The following MTMR3 variants were observed in gnomAD, a reference collection of about 807,000 sequenced individuals.
The protein encoded by MTMR3 is phosphatidylinositol-3,5-bisphosphate 3-phosphatase MTMR3.
A neutral mutation model predicts 132.4 loss-of-function variants in MTMR3; 32 were observed. The ratio of observed to expected loss-of-function variants is 0.24; its 90% confidence interval spans 0.18 to 0.32. The LOEUF is 0.32. Among genes scored for constraint, MTMR3 ranks in the 10% least tolerant of loss-of-function variants. The pLI, the probability that MTMR3 is intolerant of heterozygous loss-of-function variation, is 1.00. For synonymous variants in MTMR3, 556 were observed against 550.3 expected, an observed-to-expected ratio of 1.01 and a Z score of -0.14; for missense variants, 1,216 against 1,489.6, an observed-to-expected ratio of 0.82 and a Z score of 3.02.
rs1022693072 is a variant in MTMR3 at position 30,027,806 on chromosome 22, T to C, written c.*2005T>C. 2.0e-5 allele frequency: 3 copies of C among 152,486 alleles called. No homozygotes were observed. The highest frequency in any genetic ancestry group is 4.4e-5 in the Non-Finnish European group (3 of 68,048). 9.4% of individuals were successfully genotyped at this position (152,486 alleles called of 1,614,324 possible). A position where few individuals can be genotyped will look rare whatever the true frequency, so the allele number is the denominator to read the frequency against. ...TTGTCAAAGCAAGAAGTAAATACTT[T>C]AGAATTGTTAAATATATAAATAAAG... On this transcript the variant is annotated 3_prime_UTR_variant, in exon 20 of 20. Coordinates refer to ENST00000401950, the MANE Select transcript of MTMR3 (RefSeq NM_021090.4).
At chr22:30,016,907 G>A in intron 15 of MTMR3, 1 of 592,522 alleles carries the variant, frequency 1.7e-6, no homozygotes. Context: ...ACTTGCTGAG[G>A]GTGGTTTGGT....
rs2066010377 is a variant in MTMR3 at position 29,949,126 on chromosome 22, CACACACACACACACA to C, written c.-137-7909_-137-7895del. On this transcript the variant is annotated intron_variant, in intron 1 of 19. Transcript: ENST00000401950. ...ACACACACACACACACACACACACA[CACACACACACACACA>C]CACCCCCCCCCCCCCCCCCGAGGCC... Among the ~76,000 whole-genome samples, 34 of 40,128 alleles carry C rather than the reference CACACACACACACACA, an allele frequency of 8.5e-4. 1 individual carries two copies. The highest frequency in any genetic ancestry group is 3.4e-3 in the African/African-American group (29 of 8,422). 26.3% of individuals were successfully genotyped at this position (40,128 alleles called of 152,430 possible).
intron 1 of MTMR3, among the ~76,000 whole-genome samples, chr22:29,945,319 A>C (rs1937372426): frequency 6.6e-6 from 1 of 152,184 alleles, no homozygotes; most frequent in Non-Finnish European, 1.5e-5. Context: ...AATGTAAATA[A>C]TTATAATGAC....
chr22:29,979,250 T>A (rs1328503597), intron 5 of MTMR3, 198 bp downstream of exon 5: 1 of 403,308 alleles, frequency 2.5e-6, no homozygotes, highest in Non-Finnish European at 4.6e-6. Context: ...CCCAGCACTT[T>A]GGGAGGCCAA....
At chr22:29,952,924 G>T (rs777812614) in intron 1 of MTMR3, among the ~76,000 whole-genome samples, 5 of 152,076 alleles carry the variant, frequency 3.3e-5, no homozygotes, top group Non-Finnish European at 7.4e-5. Context: ...ATAGACATAA[G>T]AAAGGAAACA....
chr22:29,947,545 T>G (rs180743873), intron 1 of MTMR3, among the ~76,000 whole-genome samples: 2 of 151,956 alleles, frequency 1.3e-5, no homozygotes, highest in Admixed American at 6.6e-5. Flanking sequence ...TTTTCTGAGT[T>G]AAGTAAAATG....
chr22:29,889,407 C>T (rs953975695), intron 1 of MTMR3, among the ~76,000 whole-genome samples: 3 of 151,500 alleles, frequency 2.0e-5, no homozygotes, highest in Admixed American at 6.6e-5. Flanking sequence ...CTGCCTTAGC[C>T]TCCTGAGTAG....
chr22:29,980,520 A>G (rs972171707), intron 5 of MTMR3: 1 of 152,254 alleles, frequency 6.6e-6, no homozygotes, highest in Non-Finnish European at 1.5e-5. Context: ...GCAACTGAGA[A>G]TTCCCCACCA....
intron 1 of MTMR3, among the ~76,000 whole-genome samples, chr22:29,925,540 C>T (rs1434257341): frequency 2.7e-5 from 4 of 148,444 alleles, no homozygotes; most frequent in Non-Finnish European, 5.9e-5. Context: ...TAATACCTAC[C>T]TTTTTATTTG....
intron 9 of MTMR3, 106 bp from the exon 10 acceptor site, chr22:30,007,008 C>A: frequency 8.4e-7 from 1 of 1,195,102 alleles, no homozygotes; most frequent in Non-Finnish European, 1.2e-6. Context: ...GCTGACCCAA[C>A]ACTTACCTAG....
chr22:29,914,389 T>C (rs2065270998), intron 1 of MTMR3, among the ~76,000 whole-genome samples: 3 of 152,248 alleles, frequency 2.0e-5, no homozygotes, highest in Admixed American at 2.0e-4. Flanking sequence ...ATTTGCCATT[T>C]ATATGTCTTT....
chr22:29,910,922 T>C (rs988599871), intron 1 of MTMR3, among the ~76,000 whole-genome samples: 5 of 152,198 alleles, frequency 3.3e-5, no homozygotes, highest in East Asian at 1.9e-4. Flanking sequence ...TTAACTTTTA[T>C]GTTTAGTAGG....
At chr22:29,944,099 G>A (rs905079983) in intron 1 of MTMR3, among the ~76,000 whole-genome samples, 1 of 152,016 alleles carries the variant, frequency 6.6e-6, no homozygotes, top group African/African-American at 2.4e-5. Context: ...GATTACAGGT[G>A]TGAGCCACTG....
At chr22:29,978,417 A>G (rs2066673185) in intron 3 of MTMR3, 25 bp from the exon 4 acceptor site, 2 of 1,578,622 alleles carry the variant, frequency 1.3e-6, no homozygotes, top group Non-Finnish European at 1.7e-6. Context: ...CTTTGAAATT[A>G]TTTTAAGGTT....
chr22:29,965,841 G>A (rs965317381), intron 2 of MTMR3, among the ~76,000 whole-genome samples: 2 of 151,976 alleles, frequency 1.3e-5, no homozygotes, highest in African/African-American at 2.4e-5. Context: ...TGGGACATCC[G>A]GGATGCTTGT....
chr22:30,021,634 G>A (rs983177602), intron 17 of MTMR3: 2 of 193,464 alleles, frequency 1.0e-5, no homozygotes, highest in East Asian at 1.4e-4. Flanking sequence ...CATGTTCCCA[G>A]AGAGTCCTTC....
chr22:29,945,941 C>T (rs935109422), intron 1 of MTMR3, among the ~76,000 whole-genome samples: 1 of 151,790 alleles, frequency 6.6e-6, no homozygotes, highest in Admixed American at 6.6e-5. Flanking sequence ...TGAAGGACTA[C>T]GACAGGGAGT....
intron 19 of MTMR3, chr22:30,022,944 G>A: frequency 2.0e-6 from 1 of 508,518 alleles, no homozygotes; most frequent in Non-Finnish European, 3.5e-6. Context: ...TCCCAGATTG[G>A]TGAAACAACA....
At position 30,002,889 on chromosome 22, in the gene MTMR3, T is replaced by C. The variant is rs763633122; in HGVS notation, c.567T>C (p.Gly189=). 1.8e-5 allele frequency: 29 copies of C among 1,612,834 alleles called. 1 individual carries two copies. The South Asian group carries it at 3.1e-4, about 17-fold the overall frequency. ...CTCATCTTCTCTTTAGATTATGTGG[T>C]AGCTATCCTCAAGAGCTCATAGTGC... The part of the protein sequence containing the change: ...SNINEKYKLC[G]SYPQELIVPA... The change falls in exon 9 of 20, where the codon GGT becomes GGC. Residue 189 remains glycine, a synonymous_variant. Transcript: ENST00000401950.
Sources: gnomAD v4.1 joint callset for allele counts (sites outside exome capture counted in the v4.1 genomes callset) on GRCh38, gnomAD v4.1.1 for gene constraint, MANE v1.5 for transcripts, NCBI Gene and HGNC (gene_info 2026-07-23, HGNC 2026-07-21) for gene names.